The following LRRC38 variants were observed in gnomAD, a reference collection of about 807,000 sequenced individuals.
LRRC38 encodes the protein leucine rich repeat containing 38, also known as leucine-rich repeat-containing protein 38.
In LRRC38, 5 loss-of-function variants were observed where a neutral mutation model predicts 16.4. The observed-to-expected ratio is 0.31, with a 90% CI of 0.16 to 0.64. The LOEUF (loss-of-function observed/expected upper bound fraction) is 0.64, where lower values mean the gene tolerates loss of function less well. LRRC38 is among the 30% of genes least tolerant of loss of function. LRRC38 has a pLI of 0.80. For missense variants in LRRC38, 341 were observed against 401.8 expected, an observed-to-expected ratio of 0.85 and a Z score of 1.29; for synonymous variants, 191 against 190.2, an observed-to-expected ratio of 1.00 and a Z score of -0.04.
chr1:13,484,976 G>C (rs1049516524), intron 1 of LRRC38, among the ~76,000 whole-genome samples: 11 of 152,150 alleles, frequency 7.2e-5, no homozygotes, highest in African/African-American at 2.4e-4. Flanking sequence ...CTTCCCTGTT[G>C]CCTTAAGAAT....
intron 1 of LRRC38, among the ~76,000 whole-genome samples, chr1:13,499,818 C>T (rs1016089833): frequency 1.3e-5 from 2 of 152,082 alleles, no homozygotes; most frequent in African/African-American, 2.4e-5. Flanking sequence ...GGAGGTTGCT[C>T]GCAGTAGGTA....
In LRRC38 at chr1:13,475,733, G is replaced by A; in HGVS notation, c.*113C>T. On this transcript the variant is annotated 3_prime_UTR_variant, in exon 2 of 2. Transcript: ENST00000376085. The surrounding 1 kb of genome is among the most constrained non-coding windows in gnomAD (Gnocchi z 4.3). ...GGGGCCAAGACACGGAACAGGCTCT[G>A]TTCAGTTCACAGATGGTGGCCAGTG... 7.3e-7 allele frequency: 1 copy of A among 1,378,512 alleles called. No individual in the cohort carries two copies. The highest frequency in any genetic ancestry group is 2.2e-5 in the Admixed American group (1 of 46,190). The allele number at this position is 1,378,512 out of a possible 1,614,324, so 85.4% of individuals were successfully genotyped here. A position where few individuals can be genotyped will look rare whatever the true frequency, so the allele number is the denominator to read the frequency against.
chr1:13,475,633 C>A lies in LRRC38; in HGVS notation c.*213G>T. On this transcript the variant is annotated 3_prime_UTR_variant, in exon 2 of 2. Coordinates refer to ENST00000376085, the MANE Select transcript of LRRC38 (RefSeq NM_001010847.2). The surrounding 1 kb of genome is among the most constrained non-coding windows in gnomAD (Gnocchi z 4.3). The stretch of plus-strand genomic sequence containing the variant: ...GGCAGGTTATGCTCCAGGAATAATT[C>A]CCTCCATCCTTCCTGGGCTTCTGTG... 1 of 585,118 alleles carries A rather than the reference C, an allele frequency of 1.7e-6. No homozygotes were observed. The highest frequency in any genetic ancestry group is 2.9e-6 in the Non-Finnish European group (1 of 339,782). 36.2% of individuals were successfully genotyped at this position (585,118 alleles called of 1,614,324 possible).
intron 1 of LRRC38, among the ~76,000 whole-genome samples, chr1:13,511,951 G>GA (rs1031994955): frequency 1.4e-4 from 21 of 151,546 alleles, no homozygotes; most frequent in Admixed American, 7.2e-4. Context: ...TCCGTAAATG[G>GA]AAAAAAAAAT....
chr1:13,476,241 G>A, intron 1 of LRRC38, 142 bp from the exon 2 acceptor site: 1 of 780,686 alleles, frequency 1.3e-6, no homozygotes, highest in Non-Finnish European at 2.0e-6. Context: ...TAATTTAAAT[G>A]GAATTTAAAC....
intron 1 of LRRC38, among the ~76,000 whole-genome samples, chr1:13,500,007 T>C (rs768780490): frequency 6.6e-6 from 1 of 152,032 alleles, no homozygotes; most frequent in Non-Finnish European, 1.5e-5. Context: ...TCCCAGCACT[T>C]TGGGAGGCCG....
At chr1:13,488,005 C>T (rs933135345) in intron 1 of LRRC38, among the ~76,000 whole-genome samples, 10 of 148,688 alleles carry the variant, frequency 6.7e-5, no homozygotes, top group African/African-American at 2.5e-4. Flanking sequence ...TAACACTTGG[C>T]TTATACCTTT....
chr1:13,498,057 T>C (rs1003317394), intron 1 of LRRC38, among the ~76,000 whole-genome samples: 7 of 151,242 alleles, frequency 4.6e-5, no homozygotes, highest in Non-Finnish European at 1.0e-4. Flanking sequence ...CTGTTTTAAA[T>C]ATGGCTGCTG....
chr1:13,479,726 AAAG>A (rs927345099), intron 1 of LRRC38, among the ~76,000 whole-genome samples: 3 of 152,318 alleles, frequency 2.0e-5, no homozygotes, highest in East Asian at 1.9e-4. Flanking sequence ...AAGGGCAGAG[AAAG>A]AAGAAGAGTT....
At chr1:13,480,222 G>A (rs1557494366) in intron 1 of LRRC38, among the ~76,000 whole-genome samples, 1 of 152,240 alleles carries the variant, frequency 6.6e-6, no homozygotes, top group African/African-American at 2.4e-5. Flanking sequence ...GCGCATGCCT[G>A]TAATCCCAGC....
intron 1 of LRRC38, among the ~76,000 whole-genome samples, chr1:13,507,557 C>A (rs539418619): frequency 1.3e-5 from 2 of 152,346 alleles, no homozygotes; most frequent in South Asian, 2.1e-4. Flanking sequence ...GGGGGCCAGG[C>A]GCAGTGGCTC....
intron 1 of LRRC38, 42 bp downstream of exon 1, chr1:13,512,921 G>GCCCCCCCACC: frequency 2.4e-6 from 3 of 1,246,170 alleles, no homozygotes; most frequent in South Asian, 1.4e-5. Context: ...GCCTCTCCCT[G>GCCCCCCCACC]CCCCCCTCCC....
In LRRC38 at chr1:13,511,259, C is replaced by A. The variant is rs1391723425; in HGVS notation, c.631+1704G>T. Among the ~76,000 whole-genome samples the A allele has an allele frequency of 2.6e-5, 4 of 152,170 alleles. No individual in the cohort carries two copies. The East Asian group carries it at 7.7e-4, about 29-fold the overall frequency. On this transcript the variant is annotated intron_variant, in intron 1 of 1. Transcript: ENST00000376085. ...CAACCACTGGGTGGGATGGACTATG[C>A]AGCATTACCCATGTCTTGATTTCAC...
intron 1 of LRRC38, among the ~76,000 whole-genome samples, chr1:13,491,134 G>A (rs1191940170): frequency 6.6e-6 from 1 of 152,142 alleles, no homozygotes; most frequent in Non-Finnish European, 1.5e-5. Flanking sequence ...GTCGATGTCT[G>A]AAGACATTTT....
At chr1:13,510,758 C>G (rs556300639) in intron 1 of LRRC38, among the ~76,000 whole-genome samples, 1 of 152,148 alleles carries the variant, frequency 6.6e-6, no homozygotes, top group Non-Finnish European at 1.5e-5. Context: ...ACAGCAAGCA[C>G]GGCAGAGGAC....
intron 1 of LRRC38, 34 bp downstream of exon 1, chr1:13,512,928 TC>T: frequency 6.9e-6 from 3 of 435,428 alleles, no homozygotes; most frequent in Non-Finnish European, 1.0e-5. Context: ...CCTGCCCCCC[TC>T]CCTCCCTCCC....
Position 13,513,432 on chromosome 1 carries a change from G to T in LRRC38, c.162C>A (p.Phe54Leu). The T allele has an allele frequency of 1.3e-6, 2 of 1,550,068 alleles. No homozygotes were observed. The highest frequency in any genetic ancestry group is 2.7e-5 in the African/African-American group (2 of 73,156). Reference protein sequence around the residue: ...DRGLPSVPDPFPLDVRKLLVA... With the variant: ...DRGLPSVPDPLPLDVRKLLVA... ...CCAGCAGCTTGCGCACGTCCAGGGGGAAAGGGTCTGGCACGCTGGGCAGCC... is the reference window on the plus strand; with the variant it reads ...CCAGCAGCTTGCGCACGTCCAGGGGTAAAGGGTCTGGCACGCTGGGCAGCC... Residue 54 changes from phenylalanine to leucine, a missense_variant, in exon 1 of 2, where the codon TTC becomes TTA. By Grantham distance (22) the Phe-to-Leu change is conservative. Coordinates refer to ENST00000376085, the MANE Select transcript of LRRC38 (RefSeq NM_001010847.2).
Position 13,484,143 on chromosome 1 carries a change from G to A in LRRC38, c.632-8044C>T, listed in dbSNP as rs536714477. Among the ~76,000 whole-genome samples the A allele has an allele frequency of 4.6e-5, 7 of 151,998 alleles. No homozygotes were observed. In the East Asian group the frequency reaches 1.2e-3, roughly 25 times the overall value. ...GCTTGCCGTTCCTCAAACGCCCCGC[G>A]CAGGCCACCGTCAGGGCCTCTGCAC... On this transcript the variant is annotated intron_variant, in intron 1 of 1. Transcript: ENST00000376085.
rs1638782544 is a variant in LRRC38 at position 13,475,952 on chromosome 1, A to G, written c.779T>C (p.Ile260Thr). 3 of 1,550,606 alleles carry G rather than the reference A, an allele frequency of 1.9e-6. No homozygotes were observed. The highest frequency in any genetic ancestry group is 2.4e-5 in the East Asian group (1 of 40,910). ...GAAGAAGCTGGAGATGATGGCCGCA[A>G]TGGACACGGCCACACCGGAGAAAAT... ...IIIFSGVAVS[I>T]AAIISSFFLA... is the part of the protein sequence containing the mutation. The change falls in exon 2 of 2, where the codon ATT (isoleucine) becomes ACT (threonine). Residue 260 changes from isoleucine (I) to threonine (T), a missense_variant. Coordinates refer to ENST00000376085, the MANE Select transcript of LRRC38 (RefSeq NM_001010847.2). This position sits in a 1 kb window ranked among gnomAD's most constrained non-coding sequence, Gnocchi z 4.3.
Sources: allele counts gnomAD v4.1 joint callset (sites outside exome capture counted in the v4.1 genomes callset), GRCh38; gene constraint gnomAD v4.1.1; non-coding constraint Gnocchi (gnomAD v3.1); transcripts MANE v1.5; gene names NCBI Gene and HGNC (gene_info 2026-07-23, HGNC 2026-07-21).